The following PRSS57 variants were observed in gnomAD, a reference collection of about 807,000 sequenced individuals.
PRSS57 encodes serine protease 57.
Under a neutral mutation model 20.6 loss-of-function variants are expected in PRSS57, and 19 were observed. That is an observed-to-expected ratio of 0.92 (90% CI 0.64 to 1.35). The LOEUF (loss-of-function observed/expected upper bound fraction) is 1.35. Ranked by LOEUF, PRSS57 falls within the 40% of genes most tolerant of loss-of-function variation. The probability of loss-of-function intolerance (pLI) is 0.00; values close to 1 mark genes in which losing one functional copy is unlikely to be tolerated. For missense variants in PRSS57, 440 were observed against 403.7 expected, an observed-to-expected ratio of 1.09 and a Z score of -0.77; for synonymous variants, 203 against 176.6, an observed-to-expected ratio of 1.15 and a Z score of -1.19.
chr19:692,934 A>ATTTTT (rs931588783), intron 2 of PRSS57, among the ~76,000 whole-genome samples: 1 of 145,960 alleles, frequency 6.9e-6, no homozygotes. Flanking sequence ...TATTTCTTTA[A>ATTTTT]TTTTTTTTTT....
In PRSS57 at chr19:695,425, C is replaced by T; in HGVS notation, c.6G>A (p.Gly2=). The change falls in exon 1 of 5, where the codon GGG becomes GGA. Residue 2 remains glycine (G), a synonymous_variant. Transcript: ENST00000329267. The part of the protein sequence containing the change: M[G]LGLRGWGRPL... ...GACGTCCCCAGCCCCTCAACCCGAG[C>T]CCCATGGCAGACGCAGGCTGGCGTC... is the stretch of plus-strand genomic sequence containing the variant. 7.9e-7 allele frequency: 1 copy of T among 1,264,452 alleles called. No individual in the cohort carries two copies. Among genetic ancestry groups the T allele is most frequent in the Non-Finnish European group, 1.0e-6 (1 of 998,328 alleles). 78.3% of individuals were successfully genotyped at this position (1,264,452 alleles called of 1,614,324 possible). A position where few individuals can be genotyped will look rare whatever the true frequency, so the allele number is the denominator to read the frequency against.
chr19:687,669 G>A (rs1210222705), intron 3 of PRSS57, among the ~76,000 whole-genome samples: 2 of 152,124 alleles, frequency 1.3e-5, no homozygotes, highest in Admixed American at 1.3e-4. Flanking sequence ...GCCTCCCAAA[G>A]TGCTGGGATT....
At chr19:695,302 G>T in intron 1 of PRSS57, 50 bp downstream of exon 1, 1 of 960,136 alleles carries the variant, frequency 1.0e-6, no homozygotes, top group Non-Finnish European at 1.4e-6. Flanking sequence ...TGTGGCCCCC[G>T]TACGGGGACT....
At position 687,173 on chromosome 19, in the gene PRSS57, C is replaced by T; in HGVS notation, c.394G>A (p.Val132Ile). ...AGCAGCCCCACTGCAGGGCCCAGGA[C>T]AGCAGAGCCGTTCAGCTGCAGGGAG... ...ICLLRLNGSA[V>I]LGPAVGLLRP... The change falls in exon 4 of 5, where the codon GTC becomes ATC. Residue 132 changes from valine to isoleucine, a missense_variant. Physicochemically the swap from Val to Ile is conservative, Grantham distance 29 (BLOSUM62 3). Transcript: ENST00000329267. 6.4e-7 allele frequency: 1 copy of T among 1,560,262 alleles called. No homozygotes were observed. Among genetic ancestry groups the T allele is most frequent in the Non-Finnish European group, 8.7e-7 (1 of 1,152,126 alleles).
At chr19:688,511 G>A (rs55653488) in intron 3 of PRSS57, among the ~76,000 whole-genome samples, 4,278 of 144,734 alleles carry the variant, frequency 0.03, 233 homozygotes, top group African/African-American at 0.1. Context: ...GGAAGGGGTC[G>A]TCCCTCGAGC....
At chr19:693,953 G>T (rs2031719684) in intron 2 of PRSS57, among the ~76,000 whole-genome samples, 1 of 152,106 alleles carries the variant, frequency 6.6e-6, no homozygotes, top group African/African-American at 2.4e-5. Context: ...TATTAGCCAG[G>T]ATGGTCTCGA....
In PRSS57 at chr19:687,060, C is replaced by T; in HGVS notation, c.507G>A (p.Glu169=). 1 of 1,614,076 alleles carries T rather than the reference C, an allele frequency of 6.2e-7. No individual in the cohort carries two copies. Among genetic ancestry groups the T allele is most frequent in the Non-Finnish European group, 8.5e-7 (1 of 1,180,020 alleles). The change falls in exon 4 of 5, where the codon GAG becomes GAA. Residue 169 remains glutamate (E), a synonymous_variant. Coordinates refer to ENST00000329267, the MANE Select transcript of PRSS57 (RefSeq NM_001308209.2). The part of the protein sequence containing the change: ...AGWGFVSDFE[E]LPPGLMEAKV... ...TGGCCTCCATCAGTCCAGGCGGCAG[C>T]TCCTCAAAGTCAGACACGAAGCCCC...
At chr19:689,262 G>T (rs1290496832) in intron 3 of PRSS57, among the ~76,000 whole-genome samples, 2 of 151,492 alleles carry the variant, frequency 1.3e-5, no homozygotes, top group Non-Finnish European at 2.9e-5. Flanking sequence ...GGGGCCGGAA[G>T]GGTGGTCCAG....
At chr19:693,508 C>T (rs1028848719) in intron 2 of PRSS57, among the ~76,000 whole-genome samples, 1 of 151,920 alleles carries the variant, frequency 6.6e-6, no homozygotes, top group Non-Finnish European at 1.5e-5. Context: ...ACGCCGGCCC[C>T]GTGATAATAT....
chr19:691,398 G>T (rs1036610908), intron 3 of PRSS57, among the ~76,000 whole-genome samples: 4 of 151,774 alleles, frequency 2.6e-5, no homozygotes, highest in African/African-American at 7.3e-5. Flanking sequence ...CCAGCTACTT[G>T]GGTGGCTGAG....
chr19:691,735 C>T (rs1159520475), intron 3 of PRSS57, 123 bp downstream of exon 3: 1 of 898,920 alleles, frequency 1.1e-6, no homozygotes, highest in African/African-American at 1.7e-5. Context: ...AGGAGAATCA[C>T]TTGAACCCGG....
Position 694,955 on chromosome 19 carries a change from G to A in PRSS57, c.92C>T (p.Ala31Val), listed in dbSNP as rs770809898. 1 of 1,559,000 alleles carries A rather than the reference G, an allele frequency of 6.4e-7. No homozygotes were observed. Among genetic ancestry groups the A allele is most frequent in the South Asian group, 1.2e-5 (1 of 84,190 alleles). The change falls in exon 2 of 5, where the codon GCC becomes GTC. Residue 31 changes from alanine to valine, a missense_variant. Physicochemically the swap from Ala to Val is moderately conservative, Grantham distance 64. Transcript: ENST00000329267. Reference protein sequence around the residue: ...LPVKPPGSWGAQIIGGHEVTP... With the variant: ...LPVKPPGSWGVQIIGGHEVTP... ...CACCTCGTGGCCCCCGATGATCTGG[G>A]CCCCCCAGGAGCCTGCTGGAGGGAC... is the stretch of plus-strand genomic sequence containing the variant.
rs762466495 is a variant in PRSS57, at chr19:694,923, G to T, written c.124C>A (p.His42Asn). The T allele has an allele frequency of 7.6e-6, 12 of 1,588,572 alleles. No homozygotes were observed. The highest frequency in any genetic ancestry group is 9.4e-6 in the Non-Finnish European group (11 of 1,167,306). ...ACGGATGCCATGTAGGGCCTGGAGT[G>T]GGGGGTCACCTCGTGGCCCCCGATG... ...QIIGGHEVTP[H>N]SRPYMASVRF... Residue 42 changes from histidine (H) to asparagine (N), a missense_variant, in exon 2 of 5, where the codon CAC becomes AAC. Physicochemically the swap from His to Asn is moderately conservative, Grantham distance 68. Transcript: ENST00000329267.
rs375534605 is a variant in PRSS57, at chr19:694,850, C to T, written c.197G>A (p.Arg66His). 3.9e-5 allele frequency: 62 copies of T among 1,606,212 alleles called. No individual in the cohort carries two copies. The South Asian group carries it at 5.0e-4, about 13-fold the overall frequency. Residue 66 changes from arginine to histidine, a missense_variant, in exon 2 of 5, where the codon CGC becomes CAC. By Grantham distance (29) the Arg-to-His change is conservative. Transcript: ENST00000329267. ...HHCGGFLLRA[R>H]WVVSAAHCFS... The stretch of plus-strand genomic sequence containing the variant: ...GCAGTGGGCGGCCGAGACCACCCAG[C>T]GGGCTCGCAGCAGGAAGCCTCCGCA...
rs1293186081 is a variant in PRSS57, at chr19:694,856, C to T, written c.191G>A (p.Arg64Gln). The change falls in exon 2 of 5, where the codon CGA becomes CAA. Residue 64 changes from arginine to glutamine, a missense_variant. Physicochemically the swap from Arg to Gln is conservative, Grantham distance 43 (BLOSUM62 1). Transcript: ENST00000329267. ...GGCGGCCGAGACCACCCAGCGGGCT[C>T]GCAGCAGGAAGCCTCCGCAGTGATG... is the stretch of plus-strand genomic sequence containing the variant. Reference protein sequence around the residue: ...GQHHCGGFLLRARWVVSAAHC... With the variant: ...GQHHCGGFLLQARWVVSAAHC... 8 of 1,606,716 alleles carry T rather than the reference C, an allele frequency of 5.0e-6. No individual in the cohort carries two copies. The highest frequency in any genetic ancestry group is 2.7e-5 in the African/African-American group (2 of 74,728).
intron 2 of PRSS57, among the ~76,000 whole-genome samples, chr19:694,226 C>T (rs977675408): frequency 7.2e-5 from 11 of 152,038 alleles, no homozygotes; most frequent in Admixed American, 1.3e-4. Flanking sequence ...AGGAGGGGAC[C>T]CACCCACCCT....
intron 3 of PRSS57, among the ~76,000 whole-genome samples, chr19:688,605 T>TTTTC (rs2031543626): frequency 7.1e-6 from 1 of 140,668 alleles, no homozygotes; most frequent in Non-Finnish European, 1.5e-5. Flanking sequence ...CCAGGGACTT[T>TTTTC]TTTTTTTTTT....
At position 688,890 on chromosome 19, in the gene PRSS57, C is replaced by T. The variant is rs564890791; in HGVS notation, c.379-1702G>A. Among the ~76,000 whole-genome samples, 15 of 152,302 alleles carry T rather than the reference C, an allele frequency of 9.8e-5. No homozygotes were observed. In the South Asian group the frequency reaches 1.7e-3, roughly 17 times the overall value. Reference sequence around the variant, plus strand: ...CTGGGGTTACAGGTGTGAGCCACCACGCCCGGCCCCACACAGGGACTTTAA... The same window carrying T: ...CTGGGGTTACAGGTGTGAGCCACCATGCCCGGCCCCACACAGGGACTTTAA... On this transcript the variant is annotated intron_variant, in intron 3 of 4. Transcript: ENST00000329267.
chr19:689,975 C>T (rs1012845442), intron 3 of PRSS57, among the ~76,000 whole-genome samples: 18 of 151,046 alleles, frequency 1.2e-4, no homozygotes, highest in Non-Finnish European at 2.5e-4. Flanking sequence ...ATCGCTTGAA[C>T]CCGGGAGATG....
Sources: allele counts gnomAD v4.1 joint callset (sites outside exome capture counted in the v4.1 genomes callset), GRCh38; gene constraint gnomAD v4.1.1; transcripts MANE v1.5; gene names NCBI Gene and HGNC (gene_info 2026-07-23, HGNC 2026-07-21).